The following RPH3AL variants were observed in gnomAD, a reference collection of about 807,000 sequenced individuals.
The protein encoded by RPH3AL is rabphilin 3A like (without C2 domains), also known as rab effector Noc2.
In RPH3AL, 38 loss-of-function variants were observed where a neutral mutation model predicts 43.1. The observed-to-expected ratio is 0.88, with a 90% CI of 0.68 to 1.15. The LOEUF (loss-of-function observed/expected upper bound fraction) is 1.15, where lower values mean the gene tolerates loss of function less well. Ranked by LOEUF, RPH3AL falls within the 50% of genes most tolerant of loss-of-function variation. The probability of loss-of-function intolerance (pLI) is 0.00; values close to 1 mark genes in which losing one functional copy is unlikely to be tolerated. For missense variants in RPH3AL, 462 were observed against 423.2 expected (o/e 1.09, Z -0.81); for synonymous variants, 189 against 176.3 (o/e 1.07, Z -0.57).
At chr17:340,296 T>C (rs1452495079) in intron 1 of RPH3AL, among the ~76,000 whole-genome samples, 1 of 146,794 alleles carries the variant, frequency 6.8e-6, no homozygotes, top group Non-Finnish European at 1.5e-5. Flanking sequence ...GCCAAATTTG[T>C]CTCCAGACAA....
At chr17:269,122 C>T (rs1205155400) in intron 6 of RPH3AL, among the ~76,000 whole-genome samples, 4 of 152,152 alleles carry the variant, frequency 2.6e-5, no homozygotes, top group Admixed American at 6.5e-5. Flanking sequence ...TCATAATCCG[C>T]CCGCCTTGGC....
At chr17:220,241 G>T (rs1296171678) in intron 7 of RPH3AL, among the ~76,000 whole-genome samples, 1 of 149,132 alleles carries the variant, frequency 6.7e-6, no homozygotes, top group Non-Finnish European at 1.5e-5. Flanking sequence ...CAGCTCTGAG[G>T]CCTCCACTCA....
At chr17:351,324 A>G (rs1398420582) in intron 1 of RPH3AL, among the ~76,000 whole-genome samples, 1 of 151,436 alleles carries the variant, frequency 6.6e-6, no homozygotes, top group Non-Finnish European at 1.5e-5. Context: ...GTCAAGAAAC[A>G]CTCCCCTCCT....
At position 323,447 on chromosome 17, in the gene RPH3AL, C is replaced by G. The variant is rs1211896250; in HGVS notation, c.78-2032G>C. ...TGCACACATGCAGGGGTTCAGGCCC[C>G]AAAAAGCAATATCCCCTCCACAACC... On this transcript the variant is annotated intron_variant, in intron 3 of 9. Transcript: ENST00000331302. This position sits in a 1 kb window ranked among gnomAD's most constrained non-coding sequence, Gnocchi z 4.4. Among the ~76,000 whole-genome samples, 1 of 152,080 alleles carries G rather than the reference C, an allele frequency of 6.6e-6. No individual in the cohort carries two copies. The highest frequency in any genetic ancestry group is 1.9e-4 in the East Asian group (1 of 5,190).
chr17:247,509 G>C (rs2041796428), intron 6 of RPH3AL: 1 of 518,228 alleles, frequency 1.9e-6, no homozygotes, highest in Non-Finnish European at 3.4e-6. Flanking sequence ...TTTTAGAGTT[G>C]AGGACTTGCT....
At chr17:255,967 G>A (rs368047143) in intron 6 of RPH3AL, among the ~76,000 whole-genome samples, 1 of 48,150 alleles carries the variant, frequency 2.1e-5, no homozygotes, top group African/African-American at 7.1e-5. Context: ...ACTACCCTAC[G>A]TACTTCCTAT....
Position 225,804 on chromosome 17 carries a change from G to A in RPH3AL, c.614-6068C>T, listed in dbSNP as rs1422537598. Among the ~76,000 whole-genome samples, 1 of 152,192 alleles carries A rather than the reference G, an allele frequency of 6.6e-6. No homozygotes were observed. The highest frequency in any genetic ancestry group is 6.5e-5 in the Admixed American group (1 of 15,286). On this transcript the variant is annotated intron_variant, in intron 7 of 9. Transcript: ENST00000331302. This position sits in a 1 kb window ranked among gnomAD's most constrained non-coding sequence, Gnocchi z 4.4. ...GGCGGTGGGCACGGGGCTCCGTGGT[G>A]TCACACAGTACCAGGCTCCTTTGGT...
chr17:224,974 G>A (rs184044804), intron 7 of RPH3AL, among the ~76,000 whole-genome samples: 1 of 142,894 alleles, frequency 7.0e-6, no homozygotes, highest in East Asian at 2.2e-4. Context: ...TGGGGTTGGG[G>A]GAGGGGGGAG....
At chr17:310,584 G>A (rs1228919333) in intron 5 of RPH3AL, among the ~76,000 whole-genome samples, 8 of 152,168 alleles carry the variant, frequency 5.3e-5, no homozygotes, top group African/African-American at 1.4e-4. Flanking sequence ...ACAGGGAGGT[G>A]GCCCAGAAAC....
intron 6 of RPH3AL, among the ~76,000 whole-genome samples, chr17:271,256 C>A (rs544036031): frequency 8.5e-5 from 13 of 152,160 alleles, no homozygotes; most frequent in African/African-American, 3.1e-4. Context: ...CTTGGCAATG[C>A]GGGCTCTTTT....
In RPH3AL at chr17:227,108, C is replaced by T. The variant is rs146618868; in HGVS notation, c.614-7372G>A. On this transcript the variant is annotated intron_variant, in intron 7 of 9. Coordinates refer to ENST00000331302, the MANE Select transcript of RPH3AL (RefSeq NM_006987.4). Reference sequence around the variant, plus strand: ...CCCCTCCTGGGCCCCTCCACAGGGGCCTGAGCCACTTGCTGGGGACCTGGC... The same window carrying T: ...CCCCTCCTGGGCCCCTCCACAGGGGTCTGAGCCACTTGCTGGGGACCTGGC... Among the ~76,000 whole-genome samples, 227 of 152,274 alleles carry T rather than the reference C, an allele frequency of 1.5e-3. No individual in the cohort carries two copies. In the Middle Eastern group the frequency reaches 0.02, roughly 14 times the overall value.
At chr17:348,520 CCTAA>C (rs1477725895) in intron 1 of RPH3AL, among the ~76,000 whole-genome samples, 1 of 137,768 alleles carries the variant, frequency 7.3e-6, no homozygotes, top group Non-Finnish European at 1.5e-5. Context: ...TTTCTGTAAA[CCTAA>C]CACTGTTCAA....
chr17:281,693 G>T, intron 6 of RPH3AL, 75 bp downstream of exon 6: 3 of 533,646 alleles, frequency 5.6e-6, no homozygotes, highest in South Asian at 4.1e-5. Context: ...CCGTCACCCT[G>T]ACCGTCCACC....
chr17:315,278 G>T (rs1555519724), intron 5 of RPH3AL, among the ~76,000 whole-genome samples: 1 of 140,948 alleles, frequency 7.1e-6, no homozygotes, highest in Non-Finnish European at 1.5e-5. Context: ...TTGACCTGTA[G>T]TCCCTGTGCC....
chr17:226,798 A>G (rs2041117089), intron 7 of RPH3AL, among the ~76,000 whole-genome samples: 2 of 152,232 alleles, frequency 1.3e-5, no homozygotes, highest in South Asian at 4.1e-4. Context: ...TCAGTCTTCC[A>G]GGTCTATTCA....
intron 5 of RPH3AL, among the ~76,000 whole-genome samples, chr17:299,893 G>A (rs954409562): frequency 6.6e-6 from 1 of 152,262 alleles, no homozygotes; most frequent in Non-Finnish European, 1.5e-5. Context: ...AGCCTAGGGG[G>A]CAGGTGTCCC....
At chr17:272,564 A>T (rs949511406) in intron 6 of RPH3AL, among the ~76,000 whole-genome samples, 6 of 126,914 alleles carry the variant, frequency 4.7e-5, no homozygotes, top group African/African-American at 9.0e-5. Flanking sequence ...ATGAGAACAC[A>T]TGGACACAGG....
chr17:327,381 C>T lies in RPH3AL; in HGVS notation c.77+86G>A. On this transcript the variant is annotated intron_variant, in intron 3 of 9. Transcript: ENST00000331302. ...CTCTCTCCAAACATCTCTTTCTGGG[C>T]CCCTGGGAATGAATCTTGCTGAAGA... 2.5e-6 allele frequency: 3 copies of T among 1,206,564 alleles called. No homozygotes were observed. In the Admixed American group the frequency reaches 5.1e-5, roughly 21 times the overall value. The allele number at this position is 1,206,564 out of a possible 1,614,324, so 74.7% of individuals were successfully genotyped here. A position where few individuals can be genotyped will look rare whatever the true frequency, so the allele number is the denominator to read the frequency against.
chr17:273,045 TCAGGGA>T (rs2042540220), intron 6 of RPH3AL, among the ~76,000 whole-genome samples: 1 of 108,894 alleles, frequency 9.2e-6, no homozygotes, highest in African/African-American at 2.9e-5. Context: ...GAGGGCGACG[TCAGGGA>T]GAGACCCCAG....
Sources: allele counts gnomAD v4.1 joint callset (sites outside exome capture counted in the v4.1 genomes callset), GRCh38; gene constraint gnomAD v4.1.1; non-coding constraint Gnocchi (gnomAD v3.1); transcripts MANE v1.5; gene names NCBI Gene and HGNC (gene_info 2026-07-23, HGNC 2026-07-21).